QRICH2: variants seen among roughly 807,000 people sequenced by gnomAD.
The protein encoded by QRICH2 is glutamine rich 2, also known as glutamine-rich protein 2.
QRICH2 carries 119 observed loss-of-function variants against 168.3 expected under a neutral mutation model. That is an observed-to-expected ratio of 0.71 (90% CI 0.61 to 0.82). The LOEUF is 0.82. QRICH2 is among the 40% of genes least tolerant of loss of function. The probability of loss-of-function intolerance (pLI) is 0.00; values close to 1 mark genes in which losing one functional copy is unlikely to be tolerated. For synonymous variants in QRICH2, 894 were observed against 951.2 expected, an observed-to-expected ratio of 0.94 and a Z score of 1.11; for missense variants, 2,241 against 2,491.6, an observed-to-expected ratio of 0.90 and a Z score of 2.14.
intron 16 of QRICH2, among the ~76,000 whole-genome samples, 191 bp downstream of exon 16, chr17:76,276,972 G>A (rs2070691826): frequency 6.6e-6 from 1 of 152,244 alleles, no homozygotes; most frequent in Admixed American, 6.5e-5. Context: ...AATGCTGCTG[G>A]GCAGGCAGGT....
intron 3 of QRICH2, among the ~76,000 whole-genome samples, chr17:76,296,866 G>A (rs969907060): frequency 4.0e-5 from 6 of 151,806 alleles, no homozygotes; most frequent in South Asian, 2.1e-4. Context: ...GATCCCCTCC[G>A]AGTGATGAGC....
At chr17:76,278,422 C>T (rs1443275688) in intron 14 of QRICH2, among the ~76,000 whole-genome samples, 1 of 152,246 alleles carries the variant, frequency 6.6e-6, no homozygotes, top group Non-Finnish European at 1.5e-5. Flanking sequence ...GGAAGAAAGC[C>T]CTGCTGCCTG....
rs757947223 is a variant in QRICH2, at chr17:76,292,197, G to T, written c.2530C>A (p.Pro844Thr). Residue 844 changes from proline to threonine, a missense_variant, in exon 4 of 19, where the codon CCT (proline) becomes ACT (threonine). Pro to Thr is a conservative substitution (Grantham distance 38). Transcript: ENST00000680821. ...ACCAAACCATGCTGAACTGCACCAGGTTGGACCAAACCACGCTGAACTGCA... is the reference window on the plus strand; with the variant it reads ...ACCAAACCATGCTGAACTGCACCAGTTTGGACCAAACCACGCTGAACTGCA... ...PGAVQRGLVQ[P>T]GAVQHGLVQP... 6.6e-7 allele frequency: 1 copy of T among 1,524,416 alleles called. No individual in the cohort carries two copies. The allele number at this position is 1,524,416 out of a possible 1,614,324, so 94.4% of individuals were successfully genotyped here. A position where few individuals can be genotyped will look rare whatever the true frequency, so the allele number is the denominator to read the frequency against.
At chr17:76,277,486 C>T (rs778831610) in intron 15 of QRICH2, among the ~76,000 whole-genome samples, 176 bp from the exon 16 acceptor site, 5 of 151,960 alleles carry the variant, frequency 3.3e-5, no homozygotes, top group East Asian at 1.9e-4. Flanking sequence ...GCCGTGAGGC[C>T]GGGCCACCCC....
At position 76,293,031 on chromosome 17, in the gene QRICH2, C is replaced by T; in HGVS notation, c.1696G>A (p.Glu566Lys). ...CCAGACTGGATCAAATCATGCTGCT[C>T]TGTGCCAGGTTGTATGAAGCCAGTT... ...EATGFIQPGT[E>K]QHDLIQSGRF... is the part of the protein sequence containing the mutation. Residue 566 changes from glutamate (E) to lysine (K), a missense_variant, in exon 4 of 19, where the codon GAG becomes AAG. Physicochemically the swap from Glu to Lys is moderately conservative, Grantham distance 56. This residue lies in a region of QRICH2 where 2,047 missense variants were observed against 2,303.8 expected (regional missense o/e 0.89). Transcript: ENST00000680821. 2 of 1,614,252 alleles carry T rather than the reference C, an allele frequency of 1.2e-6. No individual in the cohort carries two copies. The highest frequency in any genetic ancestry group is 1.1e-5 in the South Asian group (1 of 91,088).
chr17:76,300,037 G>A (rs1220678033), intron 3 of QRICH2, among the ~76,000 whole-genome samples: 1 of 151,868 alleles, frequency 6.6e-6, no homozygotes, highest in Non-Finnish European at 1.5e-5. Context: ...TCACCATGTT[G>A]GTCAGGATGG....
rs1307420785 is a variant in QRICH2 at position 76,282,014 on chromosome 17, G to T, written c.4113C>A (p.Gly1371=). ...GACAGGTGGCCTCAGGGTCGATCTG[G>T]CCAGGAGCCAAGGTGTGGGCCTTGT... ...APHKAHTLAP[G]QIDPEATCPA... is the part of the protein sequence containing the mutation. The change falls in exon 8 of 19, where the codon GGC becomes GGA. Residue 1371 remains glycine (G), a synonymous_variant. Coordinates refer to ENST00000680821, the MANE Select transcript of QRICH2 (RefSeq NM_001388453.1). The T allele has an allele frequency of 6.2e-7, 1 of 1,613,498 alleles. No individual in the cohort carries two copies. The highest frequency in any genetic ancestry group is 1.7e-5 in the Admixed American group (1 of 59,936).
Position 76,293,020 on chromosome 17 carries a change from A to T in QRICH2, c.1707T>A (p.Asp569Glu). 1 of 1,614,228 alleles carries T rather than the reference A, an allele frequency of 6.2e-7. No individual in the cohort carries two copies. The highest frequency in any genetic ancestry group is 2.2e-5 in the East Asian group (1 of 44,888). The change falls in exon 4 of 19, where the codon GAT (aspartate) becomes GAA (glutamate). Residue 569 changes from aspartate (D) to glutamate (E), a missense_variant. Around this residue, in one of 3 missense-constraint regions of QRICH2, gnomAD observed 2,047 missense variants for 2,303.8 expected, o/e 0.89. Transcript: ENST00000680821. ...GCTGAAATCTGCCAGACTGGATCAA[A>T]TCATGCTGCTCTGTGCCAGGTTGTA... is the stretch of plus-strand genomic sequence containing the variant. ...GFIQPGTEQH[D>E]LIQSGRFQRA...
chr17:76,285,005 C>CA (rs1568111071), intron 7 of QRICH2, among the ~76,000 whole-genome samples: 3 of 150,516 alleles, frequency 2.0e-5, no homozygotes, highest in Non-Finnish European at 4.4e-5. Context: ...CCCAGGCTGG[C>CA]GTCCAGTGGC....
rs560629023 is a variant in QRICH2, at chr17:76,287,088, A to G, written c.4011+104T>C. 42 of 331,970 alleles carry G rather than the reference A, an allele frequency of 1.3e-4. 3 individuals are homozygous for G. In the African/African-American group the frequency reaches 3.9e-3, roughly 31 times the overall value. The allele number at this position is 331,970 out of a possible 1,614,324, so 20.6% of individuals were successfully genotyped here. A position where few individuals can be genotyped will look rare whatever the true frequency, so the allele number is the denominator to read the frequency against. On this transcript the variant is annotated intron_variant, in intron 7 of 18. Coordinates refer to ENST00000680821, the MANE Select transcript of QRICH2 (RefSeq NM_001388453.1). Reference sequence around the variant, plus strand: ...CACACACACACACACACACACACACATGATGGGAGGGACCTAGTTTTTGAT... The same window carrying G: ...CACACACACACACACACACACACACGTGATGGGAGGGACCTAGTTTTTGAT...
intron 3 of QRICH2, among the ~76,000 whole-genome samples, chr17:76,296,803 CAGAA>C (rs971715303): frequency 2.0e-5 from 3 of 149,936 alleles, no homozygotes; most frequent in African/African-American, 7.4e-5. Flanking sequence ...AAAAAATAAC[CAGAA>C]AGAAGGGAGA....
At position 76,293,659 on chromosome 17, in the gene QRICH2, A is replaced by G. The variant is rs746559053; in HGVS notation, c.1068T>C (p.Asn356=). The G allele has an allele frequency of 6.2e-7, 1 of 1,614,140 alleles. No individual in the cohort carries two copies. The highest frequency in any genetic ancestry group is 1.7e-5 in the Admixed American group (1 of 60,018). The change falls in exon 4 of 19, where the codon AAT becomes AAC. Residue 356 remains asparagine, a synonymous_variant. Transcript: ENST00000680821. ...CCTGTTGAACTGGACCAGGACGTGC[A>G]TTTCTTCTTGGTTGTGTCGAGGTAA... is the stretch of plus-strand genomic sequence containing the variant. ...EKLTSTQPRR[N]ARPGPVQQDL... is the part of the protein sequence containing the mutation.
chr17:76,279,484 G>A (rs2143154063), intron 12 of QRICH2, 56 bp from the exon 13 acceptor site: 1 of 1,422,928 alleles, frequency 7.0e-7, no homozygotes, highest in Non-Finnish European at 9.7e-7. Flanking sequence ...AGACCCAGAA[G>A]GGCTTGGGGC....
chr17:76,280,435 G>C lies in QRICH2; in HGVS notation c.4478C>G (p.Ala1493Gly). The change falls in exon 11 of 19, where the codon GCT becomes GGT. Residue 1493 changes from alanine (A) to glycine (G), a missense_variant. Around this residue, in one of 3 missense-constraint regions of QRICH2, gnomAD observed 2,047 missense variants for 2,303.8 expected, o/e 0.89. Transcript: ENST00000680821. This position sits in a 1 kb window ranked among gnomAD's most constrained non-coding sequence, Gnocchi z 7.4. ...GACACGGCTCACTTTGGTGGCCAGA[G>C]CACTCTTGTCGGCTTTCTGCCCAGA... ...MEIDVKADKS[A>G]LATKVSRVQF... The C allele has an allele frequency of 6.2e-7, 1 of 1,614,040 alleles. No homozygotes were observed. Among genetic ancestry groups the C allele is most frequent in the Non-Finnish European group, 8.5e-7 (1 of 1,179,988 alleles).
rs754555986 is a variant in QRICH2, at chr17:76,293,750, C to T, written c.977G>A (p.Arg326Gln). The T allele has an allele frequency of 3.1e-6, 5 of 1,613,966 alleles. No individual in the cohort carries two copies. The highest frequency in any genetic ancestry group is 4.5e-5 in the East Asian group (2 of 44,870). The change falls in exon 4 of 19, where the codon CGA becomes CAA. Residue 326 changes from arginine (R) to glutamine (Q), a missense_variant. By Grantham distance (43) the Arg-to-Gln change is conservative (BLOSUM62 1). Around this residue, in one of 3 missense-constraint regions of QRICH2, gnomAD observed 2,047 missense variants for 2,303.8 expected, o/e 0.89. Coordinates refer to ENST00000680821, the MANE Select transcript of QRICH2 (RefSeq NM_001388453.1). ...PRARDEAGVP[R>Q]LHQSSTFQFK... ...TTGGAATGTAGAAGACTGATGGAGT[C>T]GTGGCACGCCAGCTTCATCACGGGC...
intron 2 of QRICH2, 44 bp downstream of exon 2, chr17:76,304,838 C>T: frequency 7.0e-7 from 1 of 1,421,972 alleles, no homozygotes; most frequent in South Asian, 1.1e-5. Flanking sequence ...GAGAGACGGC[C>T]AGCCCCCTGG....
chr17:76,307,442 C>CGTGCCTCCGT lies in QRICH2; in HGVS notation c.534+13_534+22dup, dbSNP rs751923098. Reference sequence around the variant, plus strand: ...GCCTGGAGGAGGCAGACGGCCTGCGCGTGCCTCCGTGTGCGTGCTCACCCT... The same window carrying CGTGCCTCCGT: ...GCCTGGAGGAGGCAGACGGCCTGCGCGTGCCTCCGTGTGCCTCCGTGTGCGTGCTCACCCT... On this transcript the variant is annotated intron_variant, in intron 1 of 18. Coordinates refer to ENST00000680821, the MANE Select transcript of QRICH2 (RefSeq NM_001388453.1). The surrounding 1 kb of genome is among the most constrained non-coding windows in gnomAD (Gnocchi z 5.3). 3.1e-6 allele frequency: 5 copies of CGTGCCTCCGT among 1,612,096 alleles called. No individual in the cohort carries two copies. The highest frequency in any genetic ancestry group is 2.7e-5 in the African/African-American group (2 of 75,030).
At chr17:76,306,390 C>T (rs2070991872) in intron 1 of QRICH2, among the ~76,000 whole-genome samples, 1 of 152,046 alleles carries the variant, frequency 6.6e-6, no homozygotes, top group South Asian at 2.1e-4. Context: ...GCCTCTTTTT[C>T]CCCTCCTGTC....
In QRICH2 at chr17:76,291,117, T is replaced by G; in HGVS notation, c.3610A>C (p.Ser1204Arg). The change falls in exon 4 of 19, where the codon AGT (serine) becomes CGT (arginine). Residue 1204 changes from serine to arginine, a missense_variant. Physicochemically the swap from Ser to Arg is moderately radical, Grantham distance 110 (BLOSUM62 -1). Around this residue, in one of 3 missense-constraint regions of QRICH2, gnomAD observed 2,047 missense variants for 2,303.8 expected, o/e 0.89. Transcript: ENST00000680821. ...VETFHLMGEL[S>R]SLYVGLKESM... Reference sequence around the variant, plus strand: ...TCCTTTAGCCCCACATAGAGGCTACTGAGCTCTCCCATCAGATGAAATGTC... The same window carrying G: ...TCCTTTAGCCCCACATAGAGGCTACGGAGCTCTCCCATCAGATGAAATGTC... 6.2e-7 allele frequency: 1 copy of G among 1,614,246 alleles called. No individual in the cohort carries two copies. The highest frequency in any genetic ancestry group is 8.5e-7 in the Non-Finnish European group (1 of 1,180,042).
Sources: allele counts gnomAD v4.1 joint callset (sites outside exome capture counted in the v4.1 genomes callset), GRCh38; gene constraint gnomAD v4.1.1; regional missense constraint gnomAD v4.1.1; non-coding constraint Gnocchi (gnomAD v3.1); transcripts MANE v1.5; gene names NCBI Gene and HGNC (gene_info 2026-07-23, HGNC 2026-07-21).